EXOC6B: variants seen among roughly 807,000 people sequenced by gnomAD.
EXOC6B encodes the protein exocyst complex component 6B, also known as SEC15 homolog B.
In EXOC6B, 54 loss-of-function variants were observed where a neutral mutation model predicts 113.5. The observed-to-expected ratio is 0.48, with a 90% CI of 0.38 to 0.60. EXOC6B has a LOEUF of 0.60. Among genes scored for constraint, EXOC6B ranks in the 20% least tolerant of loss-of-function variants. The probability of loss-of-function intolerance (pLI) is 0.00; values close to 1 mark genes in which losing one functional copy is unlikely to be tolerated. For missense variants in EXOC6B, 797 were observed against 977.5 expected (o/e 0.82, Z 2.46); for synonymous variants, 357 against 339.0 (o/e 1.05, Z -0.58).
intron 20 of EXOC6B, among the ~76,000 whole-genome samples, chr2:72,314,749 G>C (rs1342650942): frequency 2.0e-5 from 3 of 152,100 alleles, no homozygotes; most frequent in African/African-American, 7.2e-5. Flanking sequence ...TAATGGTACG[G>C]TAGCTTGCTT....
intron 18 of EXOC6B, among the ~76,000 whole-genome samples, chr2:72,459,569 A>G (rs1484297499): frequency 5.9e-5 from 9 of 152,172 alleles, no homozygotes; most frequent in Non-Finnish European, 1.5e-5. Flanking sequence ...TAACAGACAA[A>G]CAGAGAGCCA....
intron 20 of EXOC6B, among the ~76,000 whole-genome samples, chr2:72,235,835 C>A (rs1681926733): frequency 1.3e-5 from 2 of 152,116 alleles, no homozygotes; most frequent in Non-Finnish European, 2.9e-5. Context: ...TTTCTTCCCA[C>A]TATTTGTACT....
rs1391281553 is a variant in EXOC6B at position 72,184,227 on chromosome 2, C to A, written c.2197-40G>T. The stretch of plus-strand genomic sequence containing the variant: ...AACCCCACCCCAGGGATTAGTCAGA[C>A]AGACAAGACAAACCAAGATTCCAGA... On this transcript the variant is annotated intron_variant, in intron 20 of 21. Coordinates refer to ENST00000272427, the MANE Select transcript of EXOC6B (RefSeq NM_015189.3). 2.8e-6 allele frequency: 3 copies of A among 1,081,672 alleles called. No homozygotes were observed. The African/African-American group carries it at 4.7e-5, about 17-fold the overall frequency. The allele number at this position is 1,081,672 out of a possible 1,614,324, so 67.0% of individuals were successfully genotyped here.
rs888623293 is a variant in EXOC6B at position 72,502,539 on chromosome 2, C to CTA, written c.1168-2569_1168-2568dup. Among the ~76,000 whole-genome samples, 70 of 152,064 alleles carry CTA rather than the reference C, an allele frequency of 4.6e-4. 1 individual carries two copies. Among genetic ancestry groups the CTA allele is most frequent in the African/African-American group, 1.5e-3 (63 of 41,470 alleles). On this transcript the variant is annotated intron_variant, in intron 11 of 21. Transcript: ENST00000272427. ...CCCCACCCCGGGCAACAAAGTGAGACTATATATCAAAAATATAAATAAAAA... is the reference window on the plus strand; with the variant it reads ...CCCCACCCCGGGCAACAAAGTGAGACTATATATATCAAAAATATAAATAAAAA...
At chr2:72,730,975 G>A (rs1464004129) in intron 5 of EXOC6B, 32 bp downstream of exon 5, 1 of 1,479,442 alleles carries the variant, frequency 6.8e-7, no homozygotes, top group Non-Finnish European at 9.0e-7. Flanking sequence ...ATTTTAGATA[G>A]TAAAAACTGT....
chr2:72,737,861 A>T (rs973990000), intron 2 of EXOC6B, among the ~76,000 whole-genome samples: 2 of 152,170 alleles, frequency 1.3e-5, no homozygotes, highest in African/African-American at 4.8e-5. Flanking sequence ...CAAAAAAAAA[A>T]GTTATTTTAC....
chr2:72,742,302 T>C (rs1681370309), intron 1 of EXOC6B, among the ~76,000 whole-genome samples: 1 of 152,218 alleles, frequency 6.6e-6, no homozygotes, highest in South Asian at 2.1e-4. Context: ...CATGTGTATA[T>C]AAACATAACT....
chr2:72,228,336 A>G (rs1681376030), intron 20 of EXOC6B, among the ~76,000 whole-genome samples: 1 of 152,120 alleles, frequency 6.6e-6, no homozygotes, highest in South Asian at 2.1e-4. Flanking sequence ...TTACATATGT[A>G]TACATGTGCC....
intron 11 of EXOC6B, among the ~76,000 whole-genome samples, chr2:72,501,916 A>G (rs1700342940): frequency 6.6e-6 from 1 of 151,784 alleles, no homozygotes; most frequent in Non-Finnish European, 1.5e-5. Context: ...ACAAGCCACC[A>G]CACCTGGTTA....
chr2:72,718,076 C>A (rs1327408071), intron 6 of EXOC6B, 27 bp downstream of exon 6: 2 of 1,563,014 alleles, frequency 1.3e-6, no homozygotes. Context: ...AAGCCACTGG[C>A]CAACCTATCA....
chr2:72,350,475 T>A (rs925114820), intron 19 of EXOC6B, among the ~76,000 whole-genome samples: 6 of 152,222 alleles, frequency 3.9e-5, no homozygotes, highest in African/African-American at 1.2e-4. Flanking sequence ...AATGAATTTA[T>A]TTTCAGAGGT....
intron 3 of EXOC6B, among the ~76,000 whole-genome samples, chr2:72,732,610 C>CA (rs762631046): frequency 1.0e-4 from 15 of 149,396 alleles, no homozygotes; most frequent in East Asian, 3.9e-4. Flanking sequence ...GAATGACATA[C>CA]AAAAAAAAAT....
At chr2:72,677,662 G>A (rs149289612) in intron 6 of EXOC6B, among the ~76,000 whole-genome samples, 98 of 152,290 alleles carry the variant, frequency 6.4e-4, no homozygotes, top group African/African-American at 2.1e-3. Context: ...AAAAAATGCA[G>A]TTTATTCACA....
intron 18 of EXOC6B, among the ~76,000 whole-genome samples, chr2:72,412,145 A>G (rs1694227041): frequency 6.6e-6 from 1 of 152,176 alleles, no homozygotes. Flanking sequence ...CAAAGATATA[A>G]AAAGATAAAA....
chr2:72,406,602 T>A (rs572633379), intron 18 of EXOC6B, among the ~76,000 whole-genome samples: 3 of 152,212 alleles, frequency 2.0e-5, no homozygotes, highest in South Asian at 2.1e-4. Context: ...CCTGATTGAC[T>A]ACTGGGTACA....
chr2:72,210,463 A>C (rs1249818211), intron 20 of EXOC6B, among the ~76,000 whole-genome samples: 2 of 152,216 alleles, frequency 1.3e-5, no homozygotes, highest in African/African-American at 4.8e-5. Context: ...CATACTGGAT[A>C]GCTGGATACC....
chr2:72,419,913 G>A (rs1694769012), intron 18 of EXOC6B, among the ~76,000 whole-genome samples: 1 of 151,892 alleles, frequency 6.6e-6, no homozygotes. Context: ...TTTCCTTCTG[G>A]GGTACAACAA....
intron 20 of EXOC6B, among the ~76,000 whole-genome samples, chr2:72,239,014 T>C (rs560853584): frequency 1.3e-5 from 2 of 152,252 alleles, no homozygotes; most frequent in African/African-American, 4.8e-5. Context: ...TCCTCCCACC[T>C]CAGCCTCCTG....
chr2:72,487,970 G>A (rs1699526993), intron 16 of EXOC6B, among the ~76,000 whole-genome samples: 1 of 152,124 alleles, frequency 6.6e-6, no homozygotes, highest in Non-Finnish European at 1.5e-5. Flanking sequence ...CAATCACCTT[G>A]TAGTGGCAAT....
Sources: allele counts gnomAD v4.1 joint callset (sites outside exome capture counted in the v4.1 genomes callset), GRCh38; gene constraint gnomAD v4.1.1; transcripts MANE v1.5; gene names NCBI Gene and HGNC (gene_info 2026-07-23, HGNC 2026-07-21).